Variants in CARMIL1 observed in about 807,000 individuals in gnomAD.
The protein encoded by CARMIL1 is F-actin-uncapping protein LRRC16A.
CARMIL1 carries 90 observed loss-of-function variants against 177.1 expected under a neutral mutation model. The observed-to-expected ratio is 0.51, with a 90% CI of 0.43 to 0.61. The LOEUF (loss-of-function observed/expected upper bound fraction) is 0.61. Ranked by LOEUF, CARMIL1 falls within the 20% of genes least tolerant of loss-of-function variation. CARMIL1 has a pLI of 0.00. For synonymous variants in CARMIL1, 577 were observed against 606.2 expected (o/e 0.95, Z 0.71); for missense variants, 1,380 against 1,667.0 (o/e 0.83, Z 3.00).
intron 2 of CARMIL1, among the ~76,000 whole-genome samples, chr6:25,351,377 G>A (rs1438158444): frequency 1.3e-5 from 2 of 152,158 alleles, no homozygotes; most frequent in Non-Finnish European, 2.9e-5. Context: ...TCCACACACA[G>A]CACATATTCT....
At chr6:25,349,917 T>C (rs1787942464) in intron 2 of CARMIL1, among the ~76,000 whole-genome samples, 1 of 151,892 alleles carries the variant, frequency 6.6e-6, no homozygotes, top group South Asian at 2.1e-4. Flanking sequence ...TTAGTAGAGA[T>C]GGGGTTTCAC....
chr6:25,355,362 G>A (rs1278973947), intron 2 of CARMIL1, among the ~76,000 whole-genome samples: 1 of 152,152 alleles, frequency 6.6e-6, no homozygotes, highest in Non-Finnish European at 1.5e-5. Context: ...ACCCCTCAGA[G>A]TAAGGACAGG....
Position 25,556,791 on chromosome 6 carries a change from A to G in CARMIL1, c.2683A>G (p.Ile895Val), listed in dbSNP as rs184409584. 7.2e-5 allele frequency: 116 copies of G among 1,613,702 alleles called. No homozygotes were observed. Among genetic ancestry groups the G allele is most frequent in the Middle Eastern group, 1.7e-4 (1 of 6,056 alleles). Residue 895 changes from isoleucine to valine, a missense_variant, in exon 29 of 37, where the codon ATC (isoleucine) becomes GTC (valine). Transcript: ENST00000329474. ...TGAGGAGAAGCCAGTTAAACGTTCC[A>G]TCATCACAGTGGAGGAGCTAACAGA... ...LAEEKPVKRS[I>V]ITVEELTEIE...
chr6:25,335,187 T>A (rs1786086560), intron 2 of CARMIL1, among the ~76,000 whole-genome samples: 1 of 152,198 alleles, frequency 6.6e-6, no homozygotes, highest in African/African-American at 2.4e-5. Flanking sequence ...TGTGTGTGTG[T>A]TTTAAATTGC....
At chr6:25,542,597 A>G (rs996771955) in intron 26 of CARMIL1, among the ~76,000 whole-genome samples, 4 of 151,938 alleles carry the variant, frequency 2.6e-5, no homozygotes, top group Admixed American at 2.0e-4. Context: ...ATTATTCTCA[A>G]TCCTTCTGAG....
chr6:25,400,469 G>A lies in CARMIL1; in HGVS notation c.139-19645G>A, dbSNP rs139615049. Among the ~76,000 whole-genome samples, 754 of 152,166 alleles carry A rather than the reference G, an allele frequency of 5.0e-3. 2 individuals carry two copies. Among genetic ancestry groups the A allele is most frequent in the Middle Eastern group, 0.017 (5 of 294 alleles). ...AGAGGGACTTTTTAAGCATAATGAT[G>A]GAATTTTTATTGTCACCTTTTGTTG... is the stretch of plus-strand genomic sequence containing the variant. On this transcript the variant is annotated intron_variant, in intron 2 of 36. Transcript: ENST00000329474.
intron 8 of CARMIL1, among the ~76,000 whole-genome samples, chr6:25,453,652 T>G (rs1014517241): frequency 6.6e-6 from 1 of 152,232 alleles, no homozygotes; most frequent in African/African-American, 2.4e-5. Context: ...ACTCCCGCCT[T>G]GGCTTGTGCT....
At chr6:25,503,083 T>C (rs528283574) in intron 17 of CARMIL1, among the ~76,000 whole-genome samples, 17 of 152,358 alleles carry the variant, frequency 1.1e-4, no homozygotes, top group Admixed American at 1.1e-3. Flanking sequence ...TAGTAGACTT[T>C]ATAATCTTTT....
At chr6:25,343,527 A>G (rs1240572966) in intron 2 of CARMIL1, among the ~76,000 whole-genome samples, 1 of 152,088 alleles carries the variant, frequency 6.6e-6, no homozygotes, top group Non-Finnish European at 1.5e-5. Flanking sequence ...GACCCTCAGA[A>G]GCAATCTCAT....
At chr6:25,610,598 C>T (rs1201316392) in intron 36 of CARMIL1, among the ~76,000 whole-genome samples, 1 of 152,056 alleles carries the variant, frequency 6.6e-6, no homozygotes, top group African/African-American at 2.4e-5. Context: ...GGAGCAGCAC[C>T]CCCGGGCCTG....
intron 8 of CARMIL1, among the ~76,000 whole-genome samples, chr6:25,459,267 T>TTTCTTTTTCTTTCTTTCTTTCTTTCTTTC (rs1491449277): frequency 9.1e-6 from 1 of 109,468 alleles, no homozygotes; most frequent in Non-Finnish European, 1.9e-5. Context: ...TCTTTCTTTC[T>TTTCTTTTTCTTTCTTTCTTTCTTTCTTTC]TTTTTTTTTT....
In CARMIL1 at chr6:25,558,368, G is replaced by A. The variant is rs978921940; in HGVS notation, c.2742+1518G>A. Among the ~76,000 whole-genome samples the A allele has an allele frequency of 2.0e-5, 3 of 152,212 alleles. No homozygotes were observed. The highest frequency in any genetic ancestry group is 4.4e-5 in the Non-Finnish European group (3 of 68,038). On this transcript the variant is annotated intron_variant, in intron 29 of 36. Transcript: ENST00000329474. The surrounding 1 kb of genome is among the most constrained non-coding windows in gnomAD (Gnocchi z 4.1). Reference sequence around the variant, plus strand: ...TTTGGAATGAGGAAAAGTTGGTTATGAAAGACTGGCTCACCTACTGTAACG... The same window carrying A: ...TTTGGAATGAGGAAAAGTTGGTTATAAAAGACTGGCTCACCTACTGTAACG...
At chr6:25,487,282 C>T (rs908228471) in intron 12 of CARMIL1, among the ~76,000 whole-genome samples, 1 of 152,134 alleles carries the variant, frequency 6.6e-6, no homozygotes, top group African/African-American at 2.4e-5. Context: ...GTACCTTCAT[C>T]GGATCCTGCT....
chr6:25,489,139 T>C (rs1349545879), intron 13 of CARMIL1, among the ~76,000 whole-genome samples: 1 of 148,556 alleles, frequency 6.7e-6, no homozygotes, highest in Non-Finnish European at 1.5e-5. Flanking sequence ...CACTCCAGCC[T>C]GGGCGACAGT....
At chr6:25,319,247 A>T (rs1312396900) in intron 2 of CARMIL1, among the ~76,000 whole-genome samples, 4 of 152,224 alleles carry the variant, frequency 2.6e-5, no homozygotes, top group Non-Finnish European at 4.4e-5. Context: ...CGTACTGGGC[A>T]TCATGTGGCT....
At chr6:25,576,844 G>C (rs1009537826) in intron 29 of CARMIL1, 2 of 271,934 alleles carry the variant, frequency 7.4e-6, no homozygotes, top group Admixed American at 6.5e-5. Context: ...TGCTATGAAG[G>C]CTTTTTATGT....
intron 32 of CARMIL1, among the ~76,000 whole-genome samples, chr6:25,599,507 C>T (rs919301764): frequency 6.6e-6 from 1 of 152,148 alleles, no homozygotes; most frequent in African/African-American, 2.4e-5. Flanking sequence ...TCCTACTTAG[C>T]TCATTTCATT....
intron 29 of CARMIL1, among the ~76,000 whole-genome samples, chr6:25,572,283 T>C (rs1812142856): frequency 6.6e-6 from 1 of 152,178 alleles, no homozygotes; most frequent in Non-Finnish European, 1.5e-5. Context: ...GAAGAGTATA[T>C]TTGTATTTAT....
intron 29 of CARMIL1, among the ~76,000 whole-genome samples, chr6:25,559,918 T>TA (rs1470619514): frequency 3.5e-4 from 54 of 152,202 alleles, no homozygotes; most frequent in African/African-American, 1.3e-3. Flanking sequence ...TAAGTCTCTT[T>TA]AAAAAACCAA....
Sources: allele counts gnomAD v4.1 joint callset (sites outside exome capture counted in the v4.1 genomes callset), GRCh38; gene constraint gnomAD v4.1.1; non-coding constraint Gnocchi (gnomAD v3.1); transcripts MANE v1.5; gene names NCBI Gene and HGNC (gene_info 2026-07-23, HGNC 2026-07-21).